Variants in RALGAPA2 observed in about 807,000 individuals in gnomAD.
RALGAPA2 encodes Ral GTPase activating protein catalytic subunit alpha 2, also known as ral GTPase-activating protein subunit alpha-2.
A neutral mutation model predicts 230.4 loss-of-function variants in RALGAPA2; 139 were observed. That is an observed-to-expected ratio of 0.60 (90% CI 0.53 to 0.69). RALGAPA2 has a LOEUF of 0.69. Ranked by LOEUF, RALGAPA2 falls within the 30% of genes least tolerant of loss-of-function variation. The probability of loss-of-function intolerance (pLI) is 0.00; values close to 1 mark genes in which losing one functional copy is unlikely to be tolerated. For missense variants in RALGAPA2, 2,163 were observed against 2,276.0 expected, an observed-to-expected ratio of 0.95 and a Z score of 1.01; for synonymous variants, 847 against 837.8, an observed-to-expected ratio of 1.01 and a Z score of -0.19.
intron 38 of RALGAPA2, among the ~76,000 whole-genome samples, chr20:20,405,485 T>C (rs1438098115): frequency 6.6e-6 from 1 of 152,226 alleles, no homozygotes; most frequent in Non-Finnish European, 1.5e-5. Flanking sequence ...TGGTAACATC[T>C]GACAGGTAGC....
At chr20:20,505,656 G>T in intron 33 of RALGAPA2, 122 bp from the exon 34 acceptor site, 2 of 796,676 alleles carry the variant, frequency 2.5e-6, no homozygotes, top group Non-Finnish European at 3.8e-6. Flanking sequence ...CCTGCTAGAG[G>T]TCAGTCAGTG....
intron 38 of RALGAPA2, among the ~76,000 whole-genome samples, chr20:20,404,435 C>T (rs2122703658): frequency 6.6e-6 from 1 of 152,248 alleles, no homozygotes; most frequent in South Asian, 2.1e-4. Context: ...TTGGCCTCTG[C>T]TTTGGTTTGG....
At chr20:20,478,889 A>T (rs1188918943) in intron 36 of RALGAPA2, among the ~76,000 whole-genome samples, 1 of 152,154 alleles carries the variant, frequency 6.6e-6, no homozygotes, top group Non-Finnish European at 1.5e-5. Context: ...TCGTTCTTTG[A>T]AAAAAGTCTA....
chr20:20,692,268 A>G (rs1248264263), intron 1 of RALGAPA2, among the ~76,000 whole-genome samples: 2 of 152,260 alleles, frequency 1.3e-5, no homozygotes, highest in Non-Finnish European at 2.9e-5. Context: ...CATGTTGTAC[A>G]TACCTGTTTA....
intron 31 of RALGAPA2, among the ~76,000 whole-genome samples, chr20:20,514,710 C>T (rs1443304749): frequency 6.6e-6 from 1 of 152,216 alleles, no homozygotes; most frequent in African/African-American, 2.4e-5. Context: ...CTCTCCACCC[C>T]ATGCCCAGGC....
chr20:20,688,246 C>G (rs1023269781), intron 1 of RALGAPA2, among the ~76,000 whole-genome samples: 1 of 151,584 alleles, frequency 6.6e-6, no homozygotes, highest in Admixed American at 6.6e-5. Flanking sequence ...GCAGAGGTTG[C>G]GGTGAGCCAA....
chr20:20,678,567 A>T (rs983289820), intron 2 of RALGAPA2, among the ~76,000 whole-genome samples: 3 of 151,660 alleles, frequency 2.0e-5, no homozygotes, highest in South Asian at 2.1e-4. Flanking sequence ...GCTCCTCTCC[A>T]TGTCTCTTCT....
intron 14 of RALGAPA2, among the ~76,000 whole-genome samples, chr20:20,611,094 G>A (rs1374407329): frequency 6.6e-6 from 1 of 152,012 alleles, no homozygotes; most frequent in Non-Finnish European, 1.5e-5. Context: ...CCACCCTTGA[G>A]CAAATTAAAA....
intron 36 of RALGAPA2, among the ~76,000 whole-genome samples, chr20:20,474,303 A>G (rs1396426607): frequency 6.6e-6 from 1 of 152,222 alleles, no homozygotes; most frequent in Non-Finnish European, 1.5e-5. Flanking sequence ...CAAGCGAGAA[A>G]AAGGAAGAAT....
intron 4 of RALGAPA2, among the ~76,000 whole-genome samples, chr20:20,650,158 C>G (rs192572178): frequency 2.0e-5 from 3 of 152,100 alleles, no homozygotes; most frequent in African/African-American, 7.2e-5. Flanking sequence ...GCAAAACTTA[C>G]GAGTTCAAAT....
intron 20 of RALGAPA2, among the ~76,000 whole-genome samples, chr20:20,578,525 G>A (rs1040995354): frequency 1.3e-5 from 2 of 152,018 alleles, no homozygotes; most frequent in African/African-American, 4.8e-5. Flanking sequence ...TTTACAAAGA[G>A]ATCTAAAAGT....
At position 20,605,261 on chromosome 20, in the gene RALGAPA2, A is replaced by C; in HGVS notation, c.1952T>G (p.Leu651Arg). The C allele has an allele frequency of 6.2e-7, 1 of 1,613,934 alleles. No individual in the cohort carries two copies. The highest frequency in any genetic ancestry group is 8.5e-7 in the Non-Finnish European group (1 of 1,179,864). ...CTCAACTCCATAAACGGTTCTTGCAAGCACTGCTGTCAAGGAGTCCATAAT... is the reference window on the plus strand; with the variant it reads ...CTCAACTCCATAAACGGTTCTTGCACGCACTGCTGTCAAGGAGTCCATAAT... ...ANIMDSLTAV[L>R]ARTVYGVEMT... is the part of the protein sequence containing the mutation. The change falls in exon 15 of 40, where the codon CTT becomes CGT. Residue 651 changes from leucine (L) to arginine (R), a missense_variant. Coordinates refer to ENST00000202677, the MANE Select transcript of RALGAPA2 (RefSeq NM_020343.4).
intron 16 of RALGAPA2, among the ~76,000 whole-genome samples, chr20:20,597,982 A>G (rs1027564828): frequency 6.6e-6 from 1 of 152,218 alleles, no homozygotes; most frequent in African/African-American, 2.4e-5. Flanking sequence ...AAATAGACAT[A>G]GGCCTAATTA....
chr20:20,566,594 A>G (rs1392268837), intron 23 of RALGAPA2, among the ~76,000 whole-genome samples: 2 of 152,214 alleles, frequency 1.3e-5, no homozygotes, highest in African/African-American at 4.8e-5. Context: ...ACAAGAGCTC[A>G]TGCTTACTAA....
At chr20:20,650,594 C>A (rs2067365346) in intron 4 of RALGAPA2, among the ~76,000 whole-genome samples, 1 of 152,110 alleles carries the variant, frequency 6.6e-6, no homozygotes, top group African/African-American at 2.4e-5. Context: ...GAGTGTCCTC[C>A]CTAGTAGGTA....
chr20:20,623,311 A>C (rs2066379334), intron 10 of RALGAPA2, among the ~76,000 whole-genome samples: 1 of 152,202 alleles, frequency 6.6e-6, no homozygotes, highest in African/African-American at 2.4e-5. Flanking sequence ...TAGCCAAAAG[A>C]AAACTGGTAG....
At chr20:20,534,401 T>C (rs112916096) in intron 26 of RALGAPA2, among the ~76,000 whole-genome samples, 2,766 of 151,366 alleles carry the variant, frequency 0.018, 74 homozygotes, top group African/African-American at 0.064. Flanking sequence ...GCCGAGATTG[T>C]GCCACTGCAC....
chr20:20,559,635 A>T lies in RALGAPA2; in HGVS notation c.3156+11823T>A, dbSNP rs745460687. ...TTACATTTTGATTTTTAATGTACAT[A>T]TAACAAAACTCATTTTAGGGGCCTA... On this transcript the variant is annotated intron_variant, in intron 23 of 39. Transcript: ENST00000202677. Among the ~76,000 whole-genome samples, 71 of 152,246 alleles carry T rather than the reference A, an allele frequency of 4.7e-4. 1 individual carries two copies. In the Middle Eastern group the frequency reaches 0.02, roughly 44 times the overall value.
intron 37 of RALGAPA2, among the ~76,000 whole-genome samples, chr20:20,424,066 G>A (rs574793982): frequency 2.0e-4 from 30 of 152,328 alleles, no homozygotes; most frequent in African/African-American, 6.3e-4. Flanking sequence ...TTCCGGCATA[G>A]GGAGCTGAAG....
Sources: allele counts gnomAD v4.1 joint callset (sites outside exome capture counted in the v4.1 genomes callset), GRCh38; gene constraint gnomAD v4.1.1; transcripts MANE v1.5; gene names NCBI Gene and HGNC (gene_info 2026-07-23, HGNC 2026-07-21).